The following RIPOR2 variants were observed in gnomAD, a reference collection of about 807,000 sequenced individuals.
RIPOR2 encodes the protein rho family-interacting cell polarization regulator 2.
Under a neutral mutation model 114.5 loss-of-function variants are expected in RIPOR2, and 39 were observed. That is an observed-to-expected ratio of 0.34 (90% CI 0.26 to 0.44). The LOEUF is 0.44. RIPOR2 is among the 20% of genes least tolerant of loss of function. The pLI is 1.00. For synonymous variants in RIPOR2, 445 were observed against 484.4 expected, an observed-to-expected ratio of 0.92 and a Z score of 1.07; for missense variants, 1,007 against 1,255.1, an observed-to-expected ratio of 0.80 and a Z score of 2.99.
At chr6:24,873,011 A>C in intron 3 of RIPOR2, 52 bp from the exon 4 acceptor site, 1 of 1,256,338 alleles carries the variant, frequency 8.0e-7, no homozygotes. Flanking sequence ...GTTAAGTGGA[A>C]TCTGGTGCTG....
intron 1 of RIPOR2, among the ~76,000 whole-genome samples, chr6:24,957,622 C>T (rs896283337): frequency 1.3e-5 from 2 of 152,146 alleles, no homozygotes; most frequent in African/African-American, 4.8e-5. Context: ...GCCTGTAATC[C>T]CAACACTATG....
chr6:24,830,461 ACTCT>A, intron 17 of RIPOR2, 44 bp downstream of exon 17: 1 of 1,372,816 alleles, frequency 7.3e-7, no homozygotes, highest in East Asian at 2.8e-5. Context: ...CCCAATGCCC[ACTCT>A]CACACTGAAG....
At chr6:24,985,644 G>A (rs1015564950) in intron 1 of RIPOR2, among the ~76,000 whole-genome samples, 21 of 152,012 alleles carry the variant, frequency 1.4e-4, no homozygotes, top group Non-Finnish European at 2.6e-4. Flanking sequence ...TTCCCATTAC[G>A]GCAACTTGAG....
intron 1 of RIPOR2, among the ~76,000 whole-genome samples, chr6:24,967,710 A>C (rs1444678896): frequency 6.6e-6 from 1 of 152,284 alleles, no homozygotes; most frequent in East Asian, 1.9e-4. Context: ...CCTGTGTAAT[A>C]ATACATGATC....
chr6:24,840,700 T>C (rs1322581561), intron 13 of RIPOR2: 3 of 1,535,294 alleles, frequency 2.0e-6, no homozygotes, highest in Non-Finnish European at 8.7e-7. Flanking sequence ...AAATCACAGT[T>C]GTCTCATTCA....
At chr6:24,957,227 CTT>C (rs1773080424) in intron 1 of RIPOR2, among the ~76,000 whole-genome samples, 1 of 152,070 alleles carries the variant, frequency 6.6e-6, no homozygotes, top group South Asian at 2.1e-4. Flanking sequence ...TGTAACGACT[CTT>C]TTTAAGAAAC....
intron 1 of RIPOR2, among the ~76,000 whole-genome samples, chr6:24,958,972 G>C (rs1227892894): frequency 0.01 from 68 of 6,776 alleles, no homozygotes; most frequent in African/African-American, 0.048. Flanking sequence ...TTTTTTTGGA[G>C]ACAGGGTCTC....
At chr6:24,884,277 T>G (rs1349929142) in intron 1 of RIPOR2, among the ~76,000 whole-genome samples, 1 of 151,602 alleles carries the variant, frequency 6.6e-6, no homozygotes, top group Non-Finnish European at 1.5e-5. Context: ...GGCGTGGTGG[T>G]GGGTGCCTGT....
At position 24,883,761 on chromosome 6, in the gene RIPOR2, T is replaced by C. The variant is rs568772818; in HGVS notation, c.62-7944A>G. 5.3e-5 allele frequency among the ~76,000 whole-genome samples: 8 copies of C among 152,368 alleles called. No individual in the cohort carries two copies. Among genetic ancestry groups the C allele is most frequent in the African/African-American group, 1.7e-4 (7 of 41,590 alleles). On this transcript the variant is annotated intron_variant, in intron 1 of 21. Coordinates refer to ENST00000643898, the MANE Select transcript of RIPOR2 (RefSeq NM_001286445.3). This position sits in a 1 kb window ranked among gnomAD's most constrained non-coding sequence, Gnocchi z 4.1. ...GAGAGTTGCTTTCGTGATTTGATCC[T>C]GTCTCCCAGCGAGGCTTCATAAGAT...
chr6:24,963,313 A>T (rs1438607648), intron 1 of RIPOR2, among the ~76,000 whole-genome samples: 1 of 152,172 alleles, frequency 6.6e-6, no homozygotes, highest in African/African-American at 2.4e-5. Context: ...GATTACAGGC[A>T]TGAGTCACCA....
chr6:24,861,200 ATCTGAG>A lies in RIPOR2; in HGVS notation c.652-170_652-165del, dbSNP rs780037773. On this transcript the variant is annotated intron_variant, in intron 7 of 21. Coordinates refer to ENST00000643898, the MANE Select transcript of RIPOR2 (RefSeq NM_001286445.3). ...AGAAACATTCTTGACAAAATGTTTG[ATCTGAG>A]TCTAAGCCCACCTTTTAGTGTACAG... is the stretch of plus-strand genomic sequence containing the variant. 1.6e-4 allele frequency among the ~76,000 whole-genome samples: 24 copies of A among 152,340 alleles called. No individual in the cohort carries two copies. The East Asian group carries it at 4.2e-3, about 27-fold the overall frequency.
intron 1 of RIPOR2, among the ~76,000 whole-genome samples, chr6:24,987,043 C>T (rs1371271857): frequency 6.6e-6 from 1 of 152,170 alleles, no homozygotes. Flanking sequence ...GGCAGGCTTG[C>T]TTTAGAGGAT....
intron 20 of RIPOR2, among the ~76,000 whole-genome samples, chr6:24,810,312 T>C (rs1781060564): frequency 1.3e-5 from 2 of 152,160 alleles, no homozygotes; most frequent in South Asian, 4.1e-4. Flanking sequence ...CACAGCACAC[T>C]CCTGGTCTAG....
chr6:25,024,577 A>G (rs1581972060), intron 1 of RIPOR2: 2 of 521,978 alleles, frequency 3.8e-6, no homozygotes, highest in Non-Finnish European at 6.9e-6. Flanking sequence ...GTGGCAGGCG[A>G]CAGAACAAGA....
At chr6:25,029,462 A>C (rs1178238092) in intron 1 of RIPOR2, among the ~76,000 whole-genome samples, 1 of 149,400 alleles carries the variant, frequency 6.7e-6, no homozygotes, top group Non-Finnish European at 1.5e-5. Context: ...AAAGGGGTGG[A>C]TAGGAAACCA....
At position 24,960,495 on chromosome 6, in the gene RIPOR2, G is replaced by A. The variant is rs543931546; in HGVS notation, c.76+81356C>T. 5.9e-5 allele frequency among the ~76,000 whole-genome samples: 9 copies of A among 152,156 alleles called. No homozygotes were observed. In the East Asian group the frequency reaches 1.4e-3, roughly 23 times the overall value. On this transcript the variant is annotated intron_variant, in intron 1 of 13. Transcript: ENST00000510784. ...CCACTTCCTAACACTGCTGCACTGG[G>A]GATTGAGCTTCAACATAAGTTTTGA... is the stretch of plus-strand genomic sequence containing the variant.
intron 1 of RIPOR2, among the ~76,000 whole-genome samples, chr6:25,038,087 T>C (rs1224551183): frequency 6.6e-6 from 1 of 152,220 alleles, no homozygotes; most frequent in African/African-American, 2.4e-5. Flanking sequence ...ATTTAGGTGA[T>C]AGATATATAA....
intron 1 of RIPOR2, among the ~76,000 whole-genome samples, chr6:25,033,603 GTGTC>G (rs1026957894): frequency 6.6e-6 from 1 of 152,166 alleles, no homozygotes; most frequent in African/African-American, 2.4e-5. Context: ...GGAAGTATCT[GTGTC>G]TGTCTGTCTG....
At chr6:24,989,558 G>A (rs984339970) in intron 1 of RIPOR2, among the ~76,000 whole-genome samples, 2 of 151,748 alleles carry the variant, frequency 1.3e-5, no homozygotes, top group African/African-American at 4.8e-5. Flanking sequence ...GCCTCCCAAA[G>A]TGCTGGGATT....
Sources: gnomAD v4.1 joint callset for allele counts (sites outside exome capture counted in the v4.1 genomes callset) on GRCh38, gnomAD v4.1.1 for gene constraint, Gnocchi (gnomAD v3.1) non-coding constraint, MANE v1.5 for transcripts, NCBI Gene and HGNC (gene_info 2026-07-23, HGNC 2026-07-21) for gene names.